AP1B1: variants seen among roughly 807,000 people sequenced by gnomAD.
AP1B1 encodes adaptor related protein complex 1 subunit beta 1, also known as AP-1 complex subunit beta-1.
Under a neutral mutation model 104.3 loss-of-function variants are expected in AP1B1, and 36 were observed. That is an observed-to-expected ratio of 0.35 (90% CI 0.26 to 0.46). AP1B1 has a LOEUF of 0.46. Among genes scored for constraint, AP1B1 ranks in the 20% least tolerant of loss-of-function variants. The pLI is 1.00. For missense variants in AP1B1, 901 were observed against 1,247.9 expected, an observed-to-expected ratio of 0.72 and a Z score of 4.19; for synonymous variants, 504 against 517.5, an observed-to-expected ratio of 0.97 and a Z score of 0.35.
chr22:29,349,301 C>A lies in AP1B1; in HGVS notation c.1354G>T (p.Val452Leu). 6.2e-7 allele frequency: 1 copy of A among 1,614,146 alleles called. No homozygotes were observed. The highest frequency in any genetic ancestry group is 8.5e-7 in the Non-Finnish European group (1 of 1,180,046). The part of the protein sequence containing the change: ...PEARAAMIWI[V>L]GEYAERIDNA... Reference sequence around the variant, plus strand: ...TCGATCCGTTCCGCGTACTCGCCCACAATCCAGATCATGGCAGCCCGGGCC... The same window carrying A: ...TCGATCCGTTCCGCGTACTCGCCCAAAATCCAGATCATGGCAGCCCGGGCC... Residue 452 changes from valine to leucine, a missense_variant, in exon 11 of 23, where the codon GTG (valine) becomes TTG (leucine). Around this residue, in one of 3 missense-constraint regions of AP1B1, gnomAD observed 471 missense variants for 696.7 expected, o/e 0.68. Transcript: ENST00000357586.
chr22:29,328,641 C>T lies in AP1B1; in HGVS notation c.*180G>A. Reference sequence around the variant, plus strand: ...AGCACGGGAGTGCACTGCGCTCTCACCCCAGGAGGGGGTGGTGCCCTACCC... The same window carrying T: ...AGCACGGGAGTGCACTGCGCTCTCATCCCAGGAGGGGGTGGTGCCCTACCC... On this transcript the variant is annotated 3_prime_UTR_variant, in exon 23 of 23. Transcript: ENST00000357586. The surrounding 1 kb of genome is among the most constrained non-coding windows in gnomAD (Gnocchi z 4.1). 1 of 716,584 alleles carries T rather than the reference C, an allele frequency of 1.4e-6. No homozygotes were observed. Among genetic ancestry groups the T allele is most frequent in the Non-Finnish European group, 2.3e-6 (1 of 442,822 alleles). The allele number at this position is 716,584 out of a possible 1,614,324, so 44.4% of individuals were successfully genotyped here. A position where few individuals can be genotyped will look rare whatever the true frequency, so the allele number is the denominator to read the frequency against.
chr22:29,329,207 C>T lies in AP1B1; in HGVS notation c.2776-312G>A, dbSNP rs1033832720. The T allele has an allele frequency of 6.5e-6, 8 of 1,227,972 alleles. No homozygotes were observed. The South Asian group carries it at 9.2e-5, about 14-fold the overall frequency. The allele number at this position is 1,227,972 out of a possible 1,614,324, so 76.1% of individuals were successfully genotyped here. On this transcript the variant is annotated intron_variant, in intron 22 of 22. Transcript: ENST00000357586. ...GCCCGGCCCCCACCCTGAGGGCTGC[C>T]CGGCCCCCCAGAGTCCCTGAAGGTC...
At position 29,330,530 on chromosome 22, in the gene AP1B1, C is replaced by A. The variant is rs1369746751; in HGVS notation, c.2614G>T (p.Ala872Ser). Residue 872 changes from alanine (A) to serine (S), a missense_variant and splice_region_variant, in exon 21 of 23, where the codon GCT (alanine) becomes TCT (serine). Ala to Ser is a moderately conservative substitution (Grantham distance 99). This residue lies in a region of AP1B1 where 424 missense variants were observed against 494.0 expected (regional missense o/e 0.86). Coordinates refer to ENST00000357586, the MANE Select transcript of AP1B1 (RefSeq NM_001127.4). ...QIRDCPLNAE[A>S]ASSKLQSSNI... is the part of the protein sequence containing the mutation. ...CTGCTCTGCAGCTTGCTGCTCGCAG[C>A]CTCTGTGGGGTCACATGGCCGTGAG... 1.2e-6 allele frequency: 2 copies of A among 1,610,376 alleles called. No homozygotes were observed. The highest frequency in any genetic ancestry group is 1.3e-5 in the African/African-American group (1 of 75,006).
chr22:29,349,215 C>A lies in AP1B1; in HGVS notation c.1437+3G>T. On this transcript the variant is annotated splice_donor_region_variant and intron_variant, in intron 11 of 22. Coordinates refer to ENST00000357586, the MANE Select transcript of AP1B1 (RefSeq NM_001127.4). ...TCACACCCTGGCCAGCTCGCTGGCT[C>A]ACCTGTGTGCTCTCGTCATGGAAGC... is the stretch of plus-strand genomic sequence containing the variant. 1 of 1,612,288 alleles carries A rather than the reference C, an allele frequency of 6.2e-7. No individual in the cohort carries two copies. Among genetic ancestry groups the A allele is most frequent in the Non-Finnish European group, 8.5e-7 (1 of 1,179,970 alleles).
At chr22:29,374,968 G>C (rs180673516) in intron 1 of AP1B1, among the ~76,000 whole-genome samples, 88 of 152,226 alleles carry the variant, frequency 5.8e-4, no homozygotes, top group African/African-American at 1.8e-3. Context: ...GGCCAGCCTG[G>C]GCAACACAGT....
In AP1B1 at chr22:29,349,289, C is replaced by T. The variant is rs146724020; in HGVS notation, c.1366G>A (p.Ala456Thr). The T allele has an allele frequency of 8.7e-6, 14 of 1,614,118 alleles. No homozygotes were observed. The highest frequency in any genetic ancestry group is 1.3e-5 in the African/African-American group (1 of 75,060). Reference sequence around the variant, plus strand: ...TCATCTGCGTTGTCGATCCGTTCCGCGTACTCGCCCACAATCCAGATCATG... The same window carrying T: ...TCATCTGCGTTGTCGATCCGTTCCGTGTACTCGCCCACAATCCAGATCATG... ...AAMIWIVGEYAERIDNADELL... is the reference protein window; with the variant it reads ...AAMIWIVGEYTERIDNADELL... The change falls in exon 11 of 23, where the codon GCG (alanine) becomes ACG (threonine). Residue 456 changes from alanine (A) to threonine (T), a missense_variant. Ala to Thr is a moderately conservative substitution (Grantham distance 58, BLOSUM62 0). This residue lies in a region of AP1B1 where 471 missense variants were observed against 696.7 expected (regional missense o/e 0.68). Transcript: ENST00000357586.
At chr22:29,359,364 A>T (rs1199518593) in intron 4 of AP1B1, among the ~76,000 whole-genome samples, 1 of 152,210 alleles carries the variant, frequency 6.6e-6, no homozygotes, top group Admixed American at 6.5e-5. Context: ...CCGAGCACGG[A>T]CAGGACTCAG....
At position 29,332,544 on chromosome 22, in the gene AP1B1, G is replaced by A. The variant is rs534079897; in HGVS notation, c.2310-628C>T. On this transcript the variant is annotated intron_variant, in intron 17 of 22. Coordinates refer to ENST00000357586, the MANE Select transcript of AP1B1 (RefSeq NM_001127.4). ...GTAAGTCACAGGGCATGGGACTGGG[G>A]GCACAAACCGAGGGCTCGGTATACC... Among the ~76,000 whole-genome samples the A allele has an allele frequency of 1.1e-4, 16 of 152,302 alleles. No homozygotes were observed. The South Asian group carries it at 3.3e-3, about 32-fold the overall frequency.
chr22:29,366,559 C>T lies in AP1B1; in HGVS notation c.37+648G>A, dbSNP rs1020487553. 1.1e-4 allele frequency among the ~76,000 whole-genome samples: 16 copies of T among 152,154 alleles called. 1 individual carries two copies. Among genetic ancestry groups the T allele is most frequent in the African/African-American group, 2.2e-4 (9 of 41,494 alleles). On this transcript the variant is annotated intron_variant, in intron 2 of 22. Coordinates refer to ENST00000357586, the MANE Select transcript of AP1B1 (RefSeq NM_001127.4). ...AGGAGTATCACTTAAACCTGGAAAG[C>T]GGAGGTTGTGGTGAGCTGAGATCAG...
At chr22:29,369,611 T>C (rs1357777061) in intron 1 of AP1B1, among the ~76,000 whole-genome samples, 1 of 152,146 alleles carries the variant, frequency 6.6e-6, no homozygotes, top group Admixed American at 6.5e-5. Context: ...TGTAGACAGA[T>C]CCACAAAGGA....
rs751461322 is a variant in AP1B1, at chr22:29,356,578, G to A, written c.564C>T (p.Ala188=). ...ANAVAALSEI[A]ESHPSSNLLD... ...GCAGGTTGCTGCTGGGGTGAGACTC[G>A]GCAATTTCTGAGAGCGCTGCCACTG... Residue 188 remains alanine, a synonymous_variant, in exon 6 of 23, where the codon GCC becomes GCT. Coordinates refer to ENST00000357586, the MANE Select transcript of AP1B1 (RefSeq NM_001127.4). The A allele has an allele frequency of 9.3e-6, 15 of 1,614,130 alleles. No homozygotes were observed. Among genetic ancestry groups the A allele is most frequent in the African/African-American group, 4.0e-5 (3 of 75,022 alleles).
chr22:29,356,479 G>A lies in AP1B1; in HGVS notation c.663C>T (p.Phe221=). 1 of 1,614,206 alleles carries A rather than the reference G, an allele frequency of 6.2e-7. No individual in the cohort carries two copies. Among genetic ancestry groups the A allele is most frequent in the African/African-American group, 1.3e-5 (1 of 75,054 alleles). ...TATAGTTGGCGAGGCAGTCCAGGAT[G>A]AAGATCTGGCCCCACTCGGTGCACT... ...LNECTEWGQI[F]ILDCLANYMP... Residue 221 remains phenylalanine (F), a synonymous_variant, in exon 6 of 23, where the codon TTC becomes TTT. Coordinates refer to ENST00000357586, the MANE Select transcript of AP1B1 (RefSeq NM_001127.4).
chr22:29,360,008 A>ATCTTCCTTT (rs2062019828), intron 3 of AP1B1, 49 bp from the exon 4 acceptor site: 1 of 1,586,880 alleles, frequency 6.3e-7, no homozygotes, highest in Non-Finnish European at 8.6e-7. Context: ...ACAAAGGAAG[A>ATCTTCCTTT]GGAAGATTTT....
rs146150435 is a variant in AP1B1 at position 29,387,669 on chromosome 22, T to C, written c.-28+755A>G. ...CAGTCTTTCCTTTGTCTCTGTACTTTGCAGGTCTCTGACAGCCTGGCAGAA... is the reference window on the plus strand; with the variant it reads ...CAGTCTTTCCTTTGTCTCTGTACTTCGCAGGTCTCTGACAGCCTGGCAGAA... On this transcript the variant is annotated intron_variant, in intron 1 of 22. Transcript: ENST00000357586. 3.7e-3 allele frequency among the ~76,000 whole-genome samples: 570 copies of C among 152,338 alleles called. 6 individuals are homozygous for C. The highest frequency in any genetic ancestry group is 0.012 in the Admixed American group (176 of 15,300).
At chr22:29,345,469 T>G (rs1319595462) in intron 11 of AP1B1, among the ~76,000 whole-genome samples, 2 of 147,004 alleles carry the variant, frequency 1.4e-5, no homozygotes, top group Non-Finnish European at 3.0e-5. Context: ...CTTCCCAGGC[T>G]CAAGCAATCC....
At chr22:29,373,037 G>A (rs2062266971) in intron 1 of AP1B1, among the ~76,000 whole-genome samples, 1 of 152,188 alleles carries the variant, frequency 6.6e-6, no homozygotes, top group East Asian at 1.9e-4. Context: ...GTGAATACCA[G>A]CACCTTGGGA....
At chr22:29,379,070 A>T (rs2062395700) in intron 1 of AP1B1, among the ~76,000 whole-genome samples, 1 of 152,060 alleles carries the variant, frequency 6.6e-6, no homozygotes, top group Non-Finnish European at 1.5e-5. Flanking sequence ...AAGAAAAAAA[A>T]GTGATGGGCG....
chr22:29,355,732 T>C (rs1480146628), intron 6 of AP1B1, among the ~76,000 whole-genome samples: 3 of 151,284 alleles, frequency 2.0e-5, no homozygotes, highest in Non-Finnish European at 2.9e-5. Flanking sequence ...CCTGTCTCTA[T>C]ACAAAATATA....
At chr22:29,334,090 C>T (rs1277082422) in intron 17 of AP1B1, among the ~76,000 whole-genome samples, 175 bp downstream of exon 17, 9 of 152,276 alleles carry the variant, frequency 5.9e-5, no homozygotes, top group Admixed American at 2.0e-4. Context: ...ACAAACAAAA[C>T]CCAGTGCTTC....
Sources: allele counts gnomAD v4.1 joint callset (sites outside exome capture counted in the v4.1 genomes callset), GRCh38; gene constraint gnomAD v4.1.1; regional missense constraint gnomAD v4.1.1; non-coding constraint Gnocchi (gnomAD v3.1); transcripts MANE v1.5; gene names NCBI Gene and HGNC (gene_info 2026-07-23, HGNC 2026-07-21).